Variants in INPP4A observed in about 807,000 individuals in gnomAD.
INPP4A encodes inositol polyphosphate-4-phosphatase, type I, 107kD.
In INPP4A, 33 loss-of-function variants were observed where a neutral mutation model predicts 119.8. The ratio of observed to expected loss-of-function variants is 0.28; its 90% confidence interval spans 0.21 to 0.37. INPP4A has a LOEUF of 0.37. Among genes scored for constraint, INPP4A ranks in the 10% least tolerant of loss-of-function variants. The probability of loss-of-function intolerance (pLI) is 1.00; values close to 1 mark genes in which losing one functional copy is unlikely to be tolerated. For missense variants in INPP4A, 956 were observed against 1,289.9 expected (o/e 0.74, Z 3.97); for synonymous variants, 496 against 500.7 (o/e 0.99, Z 0.12).
intron 18 of INPP4A, 134 bp from the exon 19 acceptor site, chr2:98,564,506 G>T (rs1696069913): frequency 3.7e-6 from 4 of 1,094,592 alleles, no homozygotes; most frequent in Non-Finnish European, 5.4e-6. Flanking sequence ...CTTCTCAAGG[G>T]ATGGGAGGTG....
intron 4 of INPP4A, among the ~76,000 whole-genome samples, chr2:98,529,270 T>A (rs1688758286): frequency 6.6e-6 from 1 of 152,160 alleles, no homozygotes; most frequent in Admixed American, 6.5e-5. Flanking sequence ...ATTGTATGAT[T>A]CCACTTATAT....
chr2:98,533,556 C>T (rs1014066779), intron 5 of INPP4A, 61 bp downstream of exon 5: 2 of 991,214 alleles, frequency 2.0e-6, no homozygotes, highest in African/African-American at 3.2e-5. Context: ...TGTCTCTTGT[C>T]CTGATGTTCA....
At chr2:98,560,013 C>G (rs1023104444) in intron 17 of INPP4A, among the ~76,000 whole-genome samples, 2 of 152,218 alleles carry the variant, frequency 1.3e-5, no homozygotes, top group Non-Finnish European at 2.9e-5. Context: ...CAACCTTGCC[C>G]ACTTGTTCAT....
intron 1 of INPP4A, among the ~76,000 whole-genome samples, chr2:98,488,189 C>T (rs752866567): frequency 1.3e-5 from 2 of 152,116 alleles, no homozygotes; most frequent in Non-Finnish European, 2.9e-5. Flanking sequence ...ATTGGCACTG[C>T]AAGATACTCC....
Position 98,446,957 on chromosome 2 carries a change from A to G in INPP4A, c.-166+1872A>G, listed in dbSNP as rs1203936868. Among the ~76,000 whole-genome samples the G allele has an allele frequency of 5.3e-5, 8 of 152,316 alleles. No homozygotes were observed. In the East Asian group the frequency reaches 5.8e-4, roughly 11 times the overall value. ...AATGGGATGTGTATGACAGAGAACT[A>G]TCAGCCCTGCAAGTCCCTTTAACCA... On this transcript the variant is annotated intron_variant, in intron 1 of 24. Coordinates refer to ENST00000409851, the MANE Select transcript of INPP4A (RefSeq NM_001134225.2).
intron 1 of INPP4A, among the ~76,000 whole-genome samples, chr2:98,517,049 C>T (rs185791515): frequency 1.3e-5 from 2 of 152,088 alleles, no homozygotes; most frequent in East Asian, 3.9e-4. Flanking sequence ...GTGTGTAACC[C>T]GCACCCAGAT....
intron 17 of INPP4A, among the ~76,000 whole-genome samples, chr2:98,562,140 C>T (rs895912437): frequency 1.3e-5 from 2 of 152,222 alleles, no homozygotes; most frequent in African/African-American, 4.8e-5. Flanking sequence ...GATTCATTTG[C>T]TAAGACCTGT....
At chr2:98,543,696 GCTGT>G (rs996628848) in intron 10 of INPP4A, among the ~76,000 whole-genome samples, 177 bp from the exon 11 acceptor site, 3 of 152,200 alleles carry the variant, frequency 2.0e-5, no homozygotes, top group African/African-American at 7.2e-5. Context: ...TTTTCATGTA[GCTGT>G]CTGTCCTCTC....
chr2:98,474,048 C>T (rs1165504344), intron 1 of INPP4A, among the ~76,000 whole-genome samples: 1 of 152,186 alleles, frequency 6.6e-6, no homozygotes, highest in Admixed American at 6.5e-5. Context: ...GGGCAGTCTG[C>T]CATATACAGA....
chr2:98,543,077 G>A (rs1038926239), intron 10 of INPP4A, among the ~76,000 whole-genome samples: 6 of 152,056 alleles, frequency 3.9e-5, no homozygotes, highest in Non-Finnish European at 7.4e-5. Flanking sequence ...CCACCACCAC[G>A]CCCGGCTAAT....
In INPP4A at chr2:98,546,611, T is replaced by G. The variant is rs751612824; in HGVS notation, c.1080T>G (p.Ile360Met). The G allele has an allele frequency of 6.2e-7, 1 of 1,613,802 alleles. No homozygotes were observed. Among genetic ancestry groups the G allele is most frequent in the Non-Finnish European group, 8.5e-7 (1 of 1,179,722 alleles). ...ATCAGAACTACGACATCGTCACCAT[T>G]GGGGCGCCAGCAGCACACTGCCAAG... The part of the protein sequence containing the change: ...GSDQNYDIVT[I>M]GAPAAHCQGF... Residue 360 changes from isoleucine to methionine, a missense_variant, in exon 13 of 25, where the codon ATT (isoleucine) becomes ATG (methionine). Ile to Met is a conservative substitution (Grantham distance 10). Transcript: ENST00000409851. The surrounding 1 kb of genome is among the most constrained non-coding windows in gnomAD (Gnocchi z 4.2).
rs201247772 is a variant in INPP4A, at chr2:98,587,723, TA to T, written c.*123del. The T allele has an allele frequency of 7.0e-5, 63 of 905,076 alleles. No individual in the cohort carries two copies. Among genetic ancestry groups the T allele is most frequent in the Middle Eastern group, 2.7e-4 (1 of 3,688 alleles). 56.1% of individuals were successfully genotyped at this position (905,076 alleles called of 1,614,324 possible). On this transcript the variant is annotated 3_prime_UTR_variant, in exon 25 of 25. Transcript: ENST00000409851. ...TGGTTTTTATTTTTTGTGGTTTTTT[TA>T]AAAAAAACATTTCACTAAAGAGTCT...
chr2:98,549,364 A>G (rs1340669326), intron 13 of INPP4A, among the ~76,000 whole-genome samples: 2 of 152,026 alleles, frequency 1.3e-5, no homozygotes, highest in African/African-American at 2.4e-5. Context: ...TCACTTCACT[A>G]TTACCTCTTA....
intron 24 of INPP4A, chr2:98,581,490 T>G: frequency 7.7e-7 from 1 of 1,301,470 alleles, no homozygotes; most frequent in Non-Finnish European, 1.0e-6. Context: ...TTTGATAAAA[T>G]CCATCGCATG....
chr2:98,585,106 G>A (rs1025171937), intron 24 of INPP4A, among the ~76,000 whole-genome samples: 3 of 152,168 alleles, frequency 2.0e-5, no homozygotes, highest in African/African-American at 7.2e-5. Context: ...TAAAATTGTT[G>A]TATAAGTTTT....
chr2:98,549,379 A>G (rs1225676643), intron 13 of INPP4A, among the ~76,000 whole-genome samples: 1 of 152,108 alleles, frequency 6.6e-6, no homozygotes, highest in East Asian at 1.9e-4. Context: ...CTCTTATACA[A>G]ATGAAGCCAG....
chr2:98,587,725 A>T lies in INPP4A; in HGVS notation c.*117A>T. ...GTTTTTATTTTTTGTGGTTTTTTTA[A>T]AAAAAACATTTCACTAAAGAGTCTC... On this transcript the variant is annotated 3_prime_UTR_variant, in exon 25 of 25. Coordinates refer to ENST00000409851, the MANE Select transcript of INPP4A (RefSeq NM_001134225.2). 1 of 901,228 alleles carries T rather than the reference A, an allele frequency of 1.1e-6. No individual in the cohort carries two copies. The highest frequency in any genetic ancestry group is 1.6e-6 in the Non-Finnish European group (1 of 610,356). The allele number at this position is 901,228 out of a possible 1,614,324, so 55.8% of individuals were successfully genotyped here. A position where few individuals can be genotyped will look rare whatever the true frequency, so the allele number is the denominator to read the frequency against.
intron 17 of INPP4A, 96 bp downstream of exon 17, chr2:98,559,591 C>A: frequency 7.6e-7 from 1 of 1,321,172 alleles, no homozygotes; most frequent in Non-Finnish European, 1.1e-6. Context: ...CCTTATGATC[C>A]CAGAGTTGGG....
In INPP4A at chr2:98,591,344, GATT is replaced by G. The variant is rs1237944475; in HGVS notation, c.*3740_*3742del. 6 of 154,298 alleles carry G rather than the reference GATT, an allele frequency of 3.9e-5. No individual in the cohort carries two copies. The highest frequency in any genetic ancestry group is 1.2e-4 in the African/African-American group (5 of 41,468). The allele number at this position is 154,298 out of a possible 1,614,324, so 9.6% of individuals were successfully genotyped here. ...TTCTACCTTCACTCTCATGTCTCAGGATTATTTTTTCAGCATTTACCTGTTCTT... is the reference window on the plus strand; with the variant it reads ...TTCTACCTTCACTCTCATGTCTCAGGATTTTTTCAGCATTTACCTGTTCTT... On this transcript the variant is annotated 3_prime_UTR_variant, in exon 25 of 25. Coordinates refer to ENST00000409851, the MANE Select transcript of INPP4A (RefSeq NM_001134225.2).
Sources: gnomAD v4.1 joint callset for allele counts (sites outside exome capture counted in the v4.1 genomes callset) on GRCh38, gnomAD v4.1.1 for gene constraint, Gnocchi (gnomAD v3.1) non-coding constraint, MANE v1.5 for transcripts, NCBI Gene and HGNC (gene_info 2026-07-23, HGNC 2026-07-21) for gene names.